Variants in DLEU7 observed in about 807,000 individuals in gnomAD.
DLEU7 encodes the protein deleted in lymphocytic leukemia 7, also known as leukemia-associated protein 7.
A neutral mutation model predicts 16.0 loss-of-function variants in DLEU7; 17 were observed. The ratio of observed to expected loss-of-function variants is 1.06; its 90% CI spans 0.73 to 1.59. The LOEUF (loss-of-function observed/expected upper bound fraction) is 1.59, where lower values mean the gene tolerates loss of function less well. Ranked by LOEUF, DLEU7 falls within the 40% of genes most tolerant of loss-of-function variation. The probability of loss-of-function intolerance (pLI) is 0.00; values close to 1 mark genes in which losing one functional copy is unlikely to be tolerated. For missense variants in DLEU7, 308 were observed against 314.9 expected, an observed-to-expected ratio of 0.98 and a Z score of 0.17; for synonymous variants, 113 against 139.8, an observed-to-expected ratio of 0.81 and a Z score of 1.35.
At chr13:50,834,552 G>A (rs1877389076) in intron 1 of DLEU7, among the ~76,000 whole-genome samples, 2 of 152,182 alleles carry the variant, frequency 1.3e-5, no homozygotes, top group African/African-American at 4.8e-5. Flanking sequence ...ACATATGCGG[G>A]AGAGTATGTG....
chr13:50,799,704 C>G (rs540477251), intron 1 of DLEU7, among the ~76,000 whole-genome samples: 1 of 152,260 alleles, frequency 6.6e-6, no homozygotes, highest in African/African-American at 2.4e-5. Flanking sequence ...ATCTTTTCCT[C>G]TCTTCACTAT....
intron 1 of DLEU7, among the ~76,000 whole-genome samples, chr13:50,802,803 T>G (rs571623042): frequency 7.2e-5 from 11 of 152,316 alleles, no homozygotes; most frequent in Non-Finnish European, 1.0e-4. Context: ...GTTTTATATG[T>G]CTGTACATGT....
intron 1 of DLEU7, among the ~76,000 whole-genome samples, chr13:50,791,130 G>A (rs638908): frequency 0.51 from 77,842 of 151,626 alleles, 21,593 homozygotes; most frequent in African/African-American, 0.73. Context: ...CAACCTGTGG[G>A]CCTGTTAATC....
intron 1 of DLEU7, among the ~76,000 whole-genome samples, chr13:50,840,526 C>G (rs185016528): frequency 2.6e-5 from 4 of 152,294 alleles, no homozygotes; most frequent in Admixed American, 1.3e-4. Context: ...TCATTATCCC[C>G]CTGCGGGTGA....
intron 1 of DLEU7, among the ~76,000 whole-genome samples, chr13:50,764,178 C>T (rs1197865807): frequency 6.6e-6 from 1 of 152,168 alleles, no homozygotes; most frequent in African/African-American, 2.4e-5. Context: ...ATTCCTTCAT[C>T]TATAATATAA....
At chr13:50,800,300 G>C (rs764444641) in intron 1 of DLEU7, among the ~76,000 whole-genome samples, 7 of 152,154 alleles carry the variant, frequency 4.6e-5, no homozygotes, top group Non-Finnish European at 1.0e-4. Flanking sequence ...CCGGTTGACT[G>C]AGTGTAAAAA....
intron 1 of DLEU7, among the ~76,000 whole-genome samples, chr13:50,716,388 G>A (rs1873439411): frequency 6.6e-6 from 1 of 152,138 alleles, no homozygotes; most frequent in Non-Finnish European, 1.5e-5. Context: ...TTATTTACAT[G>A]GAATAATGCC....
chr13:50,730,188 C>T (rs970058952), intron 1 of DLEU7, among the ~76,000 whole-genome samples: 2 of 151,268 alleles, frequency 1.3e-5, no homozygotes, highest in African/African-American at 4.9e-5. Context: ...CTTGCTGTCT[C>T]GGGGTGGCAG....
downstream of DLEU7, among the ~76,000 whole-genome samples, chr13:50,819,586 C>T (rs1876835433): frequency 6.6e-6 from 1 of 152,048 alleles, no homozygotes; most frequent in East Asian, 1.9e-4. Flanking sequence ...TGATTTGAGA[C>T]ATGTTTTGAA....
intron 1 of DLEU7, among the ~76,000 whole-genome samples, chr13:50,781,710 C>A (rs1315627522): frequency 6.6e-6 from 1 of 152,140 alleles, no homozygotes; most frequent in African/African-American, 2.4e-5. Context: ...GGGAAGACTC[C>A]TATCTGTCCT....
chr13:50,835,690 C>T (rs1207264295), intron 1 of DLEU7, among the ~76,000 whole-genome samples: 1 of 152,214 alleles, frequency 6.6e-6, no homozygotes, highest in Non-Finnish European at 1.5e-5. Flanking sequence ...CAGCTCTGTT[C>T]TCTCCTACCC....
intron 1 of DLEU7, among the ~76,000 whole-genome samples, chr13:50,774,096 G>A (rs751010605): frequency 6.6e-6 from 1 of 152,152 alleles, no homozygotes; most frequent in Non-Finnish European, 1.5e-5. Context: ...TAATTTCCTG[G>A]TGTGCCGTTT....
Position 50,775,586 on chromosome 13 carries a change from A to G in DLEU7, c.460-62346T>C, listed in dbSNP as rs772157872. Among the ~76,000 whole-genome samples the G allele has an allele frequency of 1.8e-4, 27 of 152,296 alleles. 1 individual carries two copies. The South Asian group carries it at 3.1e-3, about 18-fold the overall frequency. On this transcript the variant is annotated intron_variant, in intron 1 of 1. Coordinates refer to the DLEU7 transcript ENST00000400393. ...GGCCAATTATTTGAGGGAAATTTCT[A>G]TATAGTCCCAAACTCCATATTCTGA...
intron 1 of DLEU7, among the ~76,000 whole-genome samples, chr13:50,750,436 A>G (rs1476822807): frequency 6.6e-6 from 1 of 152,060 alleles, no homozygotes; most frequent in Admixed American, 6.5e-5. Context: ...TTGGTTCCAT[A>G]TGAATTTTAG....
chr13:50,750,784 T>G (rs1404441558), intron 1 of DLEU7, among the ~76,000 whole-genome samples: 1 of 152,212 alleles, frequency 6.6e-6, no homozygotes, highest in Non-Finnish European at 1.5e-5. Context: ...TTTGTGTATA[T>G]TAACCTTGTA....
At chr13:50,718,441 C>T (rs2476620) in intron 1 of DLEU7, among the ~76,000 whole-genome samples, 68 of 152,272 alleles carry the variant, frequency 4.5e-4, no homozygotes, top group African/African-American at 1.6e-3. Context: ...ACCAAAGGCT[C>T]CCCACTCTGG....
At chr13:50,816,312 A>T (rs1002437755) in intron 1 of DLEU7, among the ~76,000 whole-genome samples, 2 of 152,152 alleles carry the variant, frequency 1.3e-5, no homozygotes, top group African/African-American at 4.8e-5. Flanking sequence ...CAATTAATGC[A>T]ATGTGAGTGT....
chr13:50,788,115 G>A (rs1160200876), intron 1 of DLEU7, among the ~76,000 whole-genome samples: 1 of 152,184 alleles, frequency 6.6e-6, no homozygotes, highest in Admixed American at 6.5e-5. Flanking sequence ...GAGGGCAGGG[G>A]CTGAGTTCCA....
intron 1 of DLEU7, among the ~76,000 whole-genome samples, chr13:50,773,460 T>C (rs1452454269): frequency 6.6e-6 from 1 of 152,146 alleles, no homozygotes; most frequent in African/African-American, 2.4e-5. Flanking sequence ...TTTAGTGTGG[T>C]TGTCCTTTTT....
Sources: allele counts gnomAD v4.1 joint callset (sites outside exome capture counted in the v4.1 genomes callset), GRCh38; gene constraint gnomAD v4.1.1; transcripts MANE v1.5; gene names NCBI Gene and HGNC (gene_info 2026-07-23, HGNC 2026-07-21).